Variants in BCL7A observed in about 807,000 individuals in gnomAD.
BCL7A encodes the protein B-cell CLL/lymphoma 7 protein family member A.
BCL7A carries 11 observed loss-of-function variants against 28.4 expected under a neutral mutation model. The observed-to-expected ratio is 0.39, with a 90% CI of 0.24 to 0.64. BCL7A has a LOEUF of 0.64. Ranked by LOEUF, BCL7A falls within the 30% of genes least tolerant of loss-of-function variation. The probability of loss-of-function intolerance (pLI) is 0.50; values close to 1 mark genes in which losing one functional copy is unlikely to be tolerated. For synonymous variants in BCL7A, 123 were observed against 103.3 expected (o/e 1.19, Z -1.15); for missense variants, 222 against 274.8 (o/e 0.81, Z 1.36).
At chr12:122,043,366 T>C (rs982566064) in intron 3 of BCL7A, among the ~76,000 whole-genome samples, 4 of 129,234 alleles carry the variant, frequency 3.1e-5, no homozygotes, top group Admixed American at 2.7e-4. Flanking sequence ...CGGAATTCTT[T>C]GCCTCTCTGG....
chr12:122,022,545 G>A (rs1801384423), intron 1 of BCL7A, among the ~76,000 whole-genome samples: 1 of 144,288 alleles, frequency 6.9e-6, no homozygotes, highest in East Asian at 2.1e-4. Flanking sequence ...TTTTGTGCAA[G>A]TCACATGAAA....
intron 4 of BCL7A, among the ~76,000 whole-genome samples, chr12:122,047,854 C>T (rs528300108): frequency 1.4e-5 from 2 of 147,642 alleles, no homozygotes; most frequent in South Asian, 4.3e-4. Context: ...ATTTCTCTAT[C>T]AGAAGTGGAG....
chr12:122,035,238 A>C, intron 2 of BCL7A, 93 bp from the exon 3 acceptor site: 2 of 1,201,182 alleles, frequency 1.7e-6, no homozygotes, highest in African/African-American at 1.5e-5. Context: ...CTTCAATGGA[A>C]TAAAATATTC....
Position 122,021,925 on chromosome 12 carries a change from T to G in BCL7A, c.-167T>G. 7.3e-6 allele frequency: 3 copies of G among 409,062 alleles called. No individual in the cohort carries two copies. Among genetic ancestry groups the G allele is most frequent in the Non-Finnish European group, 8.2e-6 (2 of 244,922 alleles). 25.3% of individuals were successfully genotyped at this position (409,062 alleles called of 1,614,324 possible). A position where few individuals can be genotyped will look rare whatever the true frequency, so the allele number is the denominator to read the frequency against. ...GCGGCGGCCCCGGGCTTTGTGTGTGTGTGTATGTGTGTGTGTGTGTGTGTG... is the reference window on the plus strand; with the variant it reads ...GCGGCGGCCCCGGGCTTTGTGTGTGGGTGTATGTGTGTGTGTGTGTGTGTG... On this transcript the variant is annotated 5_prime_UTR_variant, in exon 1 of 6. Transcript: ENST00000261822.
chr12:122,023,229 C>T (rs1883515618), intron 1 of BCL7A, among the ~76,000 whole-genome samples: 1 of 152,322 alleles, frequency 6.6e-6, no homozygotes, highest in Non-Finnish European at 1.5e-5. Flanking sequence ...TCCCCGCTGC[C>T]TGATTTCAAC....
At chr12:122,032,663 T>C (rs1883769005) in intron 2 of BCL7A, among the ~76,000 whole-genome samples, 1 of 152,206 alleles carries the variant, frequency 6.6e-6, no homozygotes, top group Admixed American at 6.5e-5. Flanking sequence ...TGACCCCACA[T>C]TGCTGGGCCT....
At chr12:122,043,836 C>A in intron 3 of BCL7A, 50 bp from the exon 4 acceptor site, 1 of 1,551,592 alleles carries the variant, frequency 6.4e-7, no homozygotes, top group Non-Finnish European at 8.7e-7. Flanking sequence ...CCTACCCGTC[C>A]TTGGCAGCTG....
intron 1 of BCL7A, among the ~76,000 whole-genome samples, chr12:122,028,839 A>G (rs1354519820): frequency 6.6e-6 from 1 of 152,130 alleles, no homozygotes; most frequent in East Asian, 1.9e-4. Context: ...CACAGTGGCT[A>G]TTGTGATGGT....
In BCL7A at chr12:122,049,070, A is replaced by AC. The variant is rs1436873779; in HGVS notation, c.439+5017_439+5018insC. Among the ~76,000 whole-genome samples, 8 of 142,644 alleles carry AC rather than the reference A, an allele frequency of 5.6e-5. No homozygotes were observed. The East Asian group carries it at 1.6e-3, about 28-fold the overall frequency. The allele number at this position is 142,644 out of a possible 152,430, so 93.6% of individuals were successfully genotyped here. ...TATATATATACATATACACACACAC[A>AC]AAAAAAAATACATAAAACTATAGGC... On this transcript the variant is annotated intron_variant, in intron 4 of 5. Transcript: ENST00000261822.
chr12:122,037,712 T>C (rs1883883578), intron 3 of BCL7A, among the ~76,000 whole-genome samples: 1 of 152,044 alleles, frequency 6.6e-6, no homozygotes, highest in African/African-American at 2.4e-5. Context: ...TTTGGGAGGC[T>C]GAGGTGGGCG....
chr12:122,038,932 T>C (rs1298628969), intron 3 of BCL7A, among the ~76,000 whole-genome samples: 1 of 152,118 alleles, frequency 6.6e-6, no homozygotes, highest in African/African-American at 2.4e-5. Flanking sequence ...CCCAGCACTT[T>C]GGGAGGCCGA....
chr12:122,024,584 C>T (rs1166544293), intron 1 of BCL7A, among the ~76,000 whole-genome samples: 1 of 151,996 alleles, frequency 6.6e-6, no homozygotes, highest in Non-Finnish European at 1.5e-5. Flanking sequence ...TAGACTCAGC[C>T]CATGAGACTG....
chr12:122,029,077 G>A lies in BCL7A; in HGVS notation c.93-1623G>A, dbSNP rs549116196. 6.6e-6 allele frequency among the ~76,000 whole-genome samples: 1 copy of A among 152,314 alleles called. No homozygotes were observed. Among genetic ancestry groups the A allele is most frequent in the South Asian group, 2.1e-4 (1 of 4,832 alleles). ...AGGCTGGTCTCAACAGCTGTGCTGG[G>A]TGAAGGGTTCGAGTGCTGGCTCTGG... On this transcript the variant is annotated intron_variant, in intron 1 of 5. Transcript: ENST00000261822. The surrounding 1 kb of genome is among the most constrained non-coding windows in gnomAD (Gnocchi z 4.3).
chr12:122,057,058 G>T (rs1951883919), intron 5 of BCL7A, among the ~76,000 whole-genome samples: 1 of 152,238 alleles, frequency 6.6e-6, no homozygotes, highest in South Asian at 2.1e-4. Flanking sequence ...ACACAAGTAG[G>T]TCACAGAGTC....
chr12:122,021,989 T>G lies in BCL7A; in HGVS notation c.-103T>G. The G allele has an allele frequency of 1.2e-6, 1 of 862,468 alleles. No individual in the cohort carries two copies. The highest frequency in any genetic ancestry group is 1.8e-6 in the Non-Finnish European group (1 of 554,686). The allele number at this position is 862,468 out of a possible 1,614,324, so 53.4% of individuals were successfully genotyped here. The stretch of plus-strand genomic sequence containing the variant: ...GTGCGTGTGAGAGTGCGAGTGTCTG[T>G]GCGCGAGTGAGTGAGCGGCGGGCGG... On this transcript the variant is annotated 5_prime_UTR_variant, in exon 1 of 6. Transcript: ENST00000261822.
At chr12:122,030,481 C>A (rs1883718928) in intron 1 of BCL7A, among the ~76,000 whole-genome samples, 1 of 152,198 alleles carries the variant, frequency 6.6e-6, no homozygotes, top group Non-Finnish European at 1.5e-5. Context: ...TTGGCGACAG[C>A]CTGGAGAGGG....
At chr12:122,036,646 G>A (rs78481321) in intron 3 of BCL7A, among the ~76,000 whole-genome samples, 22,591 of 151,560 alleles carry the variant, frequency 0.15, 4,106 homozygotes, top group African/African-American at 0.44. Context: ...AGTGTCCCCC[G>A]CAGGTCCTCA....
chr12:122,056,129 G>A (rs1951876711), intron 5 of BCL7A, among the ~76,000 whole-genome samples: 1 of 152,216 alleles, frequency 6.6e-6, no homozygotes, highest in African/African-American at 2.4e-5. Context: ...AAAGCAAGCT[G>A]CAGATCCGCA....
Position 122,054,908 on chromosome 12 carries a change from G to T in BCL7A, c.543G>T (p.Glu181Asp). Residue 181 changes from glutamate (E) to aspartate (D), a missense_variant, in exon 5 of 6, where the codon GAG becomes GAT. By Grantham distance (45) the Glu-to-Asp change is conservative (BLOSUM62 2). Around this residue, in one of 2 missense-constraint regions of BCL7A, gnomAD observed 155 missense variants for 145.7 expected, o/e 1.06. Transcript: ENST00000261822. ...CTGGAGACTCGGGTCTGGCCGCAGA[G>T]ACGTCTGCAATCTCTCAGGTACCTC... ...QPSGDSGLAA[E>D]TSAISQDLEG... 1 of 1,614,192 alleles carries T rather than the reference G, an allele frequency of 6.2e-7. No homozygotes were observed. Among genetic ancestry groups the T allele is most frequent in the Non-Finnish European group, 8.5e-7 (1 of 1,180,034 alleles).
Sources: gnomAD v4.1 joint callset for allele counts (sites outside exome capture counted in the v4.1 genomes callset) on GRCh38, gnomAD v4.1.1 for gene constraint, gnomAD v4.1.1 regional missense constraint, Gnocchi (gnomAD v3.1) non-coding constraint, MANE v1.5 for transcripts, NCBI Gene and HGNC (gene_info 2026-07-23, HGNC 2026-07-21) for gene names.